Variants in ADCY2 observed in about 807,000 individuals in gnomAD.
ADCY2 encodes adenylate cyclase 2, also known as adenylate cyclase type 2.
ADCY2 carries 31 observed loss-of-function variants against 125.2 expected under a neutral mutation model. The ratio of observed to expected loss-of-function variants is 0.25; its 90% CI spans 0.19 to 0.33. The LOEUF (loss-of-function observed/expected upper bound fraction) is 0.33, where lower values mean the gene tolerates loss of function less well. Ranked by LOEUF, ADCY2 falls within the 10% of genes least tolerant of loss-of-function variation. The pLI is 1.00. For synonymous variants in ADCY2, 512 were observed against 548.4 expected, an observed-to-expected ratio of 0.93 and a Z score of 0.93; for missense variants, 904 against 1,418.2, an observed-to-expected ratio of 0.64 and a Z score of 5.82.
chr5:7,761,537 T>A (rs973886157), intron 16 of ADCY2, among the ~76,000 whole-genome samples: 12 of 152,262 alleles, frequency 7.9e-5, no homozygotes, highest in Middle Eastern at 3.4e-3. Context: ...TTTGAGGAGA[T>A]CTTTGTTTTT....
intron 18 of ADCY2, among the ~76,000 whole-genome samples, chr5:7,775,299 TCA>T: frequency 6.6e-6 from 1 of 152,164 alleles, no homozygotes. Context: ...CAGGCTGCTC[TCA>T]AACTTCTGGC....
At chr5:7,824,367 A>G (rs326166) in intron 24 of ADCY2, among the ~76,000 whole-genome samples, 4,716 of 152,188 alleles carry the variant, frequency 0.031, 205 homozygotes, top group African/African-American at 0.097. Context: ...TGCGGTGCTG[A>G]TTGGCGGGTG....
intron 2 of ADCY2, among the ~76,000 whole-genome samples, chr5:7,506,669 G>T (rs1743825932): frequency 6.6e-6 from 1 of 151,980 alleles, no homozygotes; most frequent in South Asian, 2.1e-4. Flanking sequence ...CTTTGAACAC[G>T]TGGGCTTAGA....
chr5:7,550,992 A>G (rs1220360356), intron 3 of ADCY2, among the ~76,000 whole-genome samples: 1 of 151,990 alleles, frequency 6.6e-6, no homozygotes, highest in African/African-American at 2.4e-5. Context: ...ACTCACAAGG[A>G]GAGCTAGGCC....
chr5:7,520,590 G>C (rs1173600695), intron 2 of ADCY2, 148 bp from the exon 3 acceptor site: 2 of 824,800 alleles, frequency 2.4e-6, no homozygotes, highest in East Asian at 5.3e-5. Context: ...GGACTTATTT[G>C]CATCGACTGC....
chr5:7,484,952 A>C (rs775853358), intron 2 of ADCY2, among the ~76,000 whole-genome samples: 5 of 152,200 alleles, frequency 3.3e-5, no homozygotes, highest in Non-Finnish European at 7.3e-5. Context: ...CCTTGGTCCC[A>C]GTCTTCCGTA....
intron 18 of ADCY2, among the ~76,000 whole-genome samples, chr5:7,778,256 GT>G (rs974488352): frequency 6.6e-6 from 1 of 152,040 alleles, no homozygotes; most frequent in Admixed American, 6.6e-5. Context: ...TTTTTCCTGA[GT>G]TTTTTTTCTT....
rs1033410632 is a variant in ADCY2, at chr5:7,827,141, A to G, written c.*270A>G. The G allele has an allele frequency of 3.3e-5, 13 of 389,556 alleles. No homozygotes were observed. Among genetic ancestry groups the G allele is most frequent in the African/African-American group, 2.4e-4 (12 of 49,034 alleles). The allele number at this position is 389,556 out of a possible 1,614,324, so 24.1% of individuals were successfully genotyped here. ...CACTGGGAGAACTAACAGAGGAGAAAGGTGAAACACACACACATTCTTAAG... is the reference window on the plus strand; with the variant it reads ...CACTGGGAGAACTAACAGAGGAGAAGGGTGAAACACACACACATTCTTAAG... On this transcript the variant is annotated 3_prime_UTR_variant, in exon 25 of 25. Coordinates refer to ENST00000338316, the MANE Select transcript of ADCY2 (RefSeq NM_020546.3).
intron 3 of ADCY2, among the ~76,000 whole-genome samples, chr5:7,618,719 G>A (rs1031889664): frequency 4.6e-5 from 7 of 152,174 alleles, no homozygotes; most frequent in African/African-American, 1.7e-4. Flanking sequence ...GAGATGATCT[G>A]TCTAAATTAA....
intron 4 of ADCY2, among the ~76,000 whole-genome samples, chr5:7,685,631 T>A (rs1740497034): frequency 1.3e-5 from 2 of 152,194 alleles, no homozygotes; most frequent in South Asian, 4.1e-4. Flanking sequence ...AAGAAAAAGC[T>A]GAATTTTGTA....
In ADCY2 at chr5:7,695,742, C is replaced by G; in HGVS notation, c.870-10C>G. ...AAAACTCTGTCTCCTCACCTCCTTT[C>G]TTCCCACAGCATCTTATACGCTGAC... On this transcript the variant is annotated splice_polypyrimidine_tract_variant and intron_variant, in intron 5 of 24. Coordinates refer to ENST00000338316, the MANE Select transcript of ADCY2 (RefSeq NM_020546.3). The G allele has an allele frequency of 6.3e-7, 1 of 1,581,606 alleles. No individual in the cohort carries two copies. The highest frequency in any genetic ancestry group is 8.6e-7 in the Non-Finnish European group (1 of 1,161,174).
At chr5:7,435,203 T>C (rs1740751303) in intron 2 of ADCY2, among the ~76,000 whole-genome samples, 1 of 152,188 alleles carries the variant, frequency 6.6e-6, no homozygotes, top group Non-Finnish European at 1.5e-5. Context: ...GAGATCAGTG[T>C]CAGTGCTTCT....
At chr5:7,674,952 G>A (rs983600494) in intron 4 of ADCY2, among the ~76,000 whole-genome samples, 5 of 152,050 alleles carry the variant, frequency 3.3e-5, no homozygotes, top group African/African-American at 9.7e-5. Context: ...TCAGGAGATC[G>A]AGACCATCCT....
rs114640793 is a variant in ADCY2, at chr5:7,567,525, G to T, written c.570+46626G>T. 6.8e-3 allele frequency among the ~76,000 whole-genome samples: 1,028 copies of T among 152,182 alleles called. 10 individuals are homozygous for T. The highest frequency in any genetic ancestry group is 0.023 in the African/African-American group (965 of 41,522). ...TGATCTTCTGGCCTTCTTTCTAGCT[G>T]TATAGCTTCCTTTGTTTGTGTGAAG... On this transcript the variant is annotated intron_variant, in intron 3 of 24. Transcript: ENST00000338316.
intron 17 of ADCY2, 70 bp downstream of exon 17, chr5:7,766,876 C>A: frequency 6.5e-7 from 1 of 1,530,960 alleles, no homozygotes; most frequent in Non-Finnish European, 8.7e-7. Flanking sequence ...AACATATATC[C>A]TTTAGTCTCA....
rs147347262 is a variant in ADCY2 at position 7,769,832 on chromosome 5, C to T, written c.2214+3026C>T. Among the ~76,000 whole-genome samples the T allele has an allele frequency of 2.9e-3, 445 of 152,276 alleles. 2 individuals are homozygous for T. The highest frequency in any genetic ancestry group is 0.01 in the African/African-American group (416 of 41,540). ...CCCGATAATGGTGGCTGTTACCTTA[C>T]TGTAAAATGCAAGTTGGTTTCAATG... On this transcript the variant is annotated intron_variant, in intron 17 of 24. Transcript: ENST00000338316.
chr5:7,453,558 G>C (rs1337279150), intron 2 of ADCY2, among the ~76,000 whole-genome samples: 1 of 152,140 alleles, frequency 6.6e-6, no homozygotes, highest in Non-Finnish European at 1.5e-5. Flanking sequence ...GAGAGACCAA[G>C]GTAAATTTTA....
chr5:7,584,533 G>A (rs770486342), intron 3 of ADCY2, among the ~76,000 whole-genome samples: 1 of 152,042 alleles, frequency 6.6e-6, no homozygotes, highest in Non-Finnish European at 1.5e-5. Context: ...GTATAGACAC[G>A]TATCACTATG....
At chr5:7,777,958 AAG>A (rs1743794496) in intron 18 of ADCY2, among the ~76,000 whole-genome samples, 1 of 152,150 alleles carries the variant, frequency 6.6e-6, no homozygotes, top group South Asian at 2.1e-4. Flanking sequence ...TGATTCGGAT[AAG>A]TCGCCTCCTG....
Sources: allele counts gnomAD v4.1 joint callset (sites outside exome capture counted in the v4.1 genomes callset), GRCh38; gene constraint gnomAD v4.1.1; transcripts MANE v1.5; gene names NCBI Gene and HGNC (gene_info 2026-07-23, HGNC 2026-07-21).